DPT: variants seen among roughly 807,000 people sequenced by gnomAD.
DPT encodes dermatopontin, also known as tyrosine-rich acidic matrix protein.
Under a neutral mutation model 31.2 loss-of-function variants are expected in DPT, and 21 were observed. The ratio of observed to expected loss-of-function variants is 0.67; its 90% CI spans 0.48 to 0.97. DPT has a LOEUF of 0.97. Ranked by LOEUF, DPT falls within the 50% of genes least tolerant of loss-of-function variation. The probability of loss-of-function intolerance (pLI) is 0.00; values close to 1 mark genes in which losing one functional copy is unlikely to be tolerated. For missense variants in DPT, 262 were observed against 258.8 expected, an observed-to-expected ratio of 1.01 and a Z score of -0.08; for synonymous variants, 91 against 86.9, an observed-to-expected ratio of 1.05 and a Z score of -0.26.
At chr1:168,727,735 G>T (rs1650282765) in intron 1 of DPT, among the ~76,000 whole-genome samples, 1 of 151,658 alleles carries the variant, frequency 6.6e-6, no homozygotes, top group Non-Finnish European at 1.5e-5. Context: ...ATAGGGTCTG[G>T]CTGTGTTCCC....
intron 1 of DPT, among the ~76,000 whole-genome samples, chr1:168,721,634 C>G (rs1650118693): frequency 6.6e-6 from 1 of 152,184 alleles, no homozygotes; most frequent in Non-Finnish European, 1.5e-5. Context: ...TTCAAAGATC[C>G]TTCCTTTCTT....
chr1:168,702,812 AT>A (rs1343337084), intron 2 of DPT, among the ~76,000 whole-genome samples: 1 of 151,996 alleles, frequency 6.6e-6, no homozygotes, highest in Non-Finnish European at 1.5e-5. Flanking sequence ...GGGTTTCACC[AT>A]GTTGGCCAGG....
At chr1:168,716,415 C>T (rs1381006081) in intron 1 of DPT, among the ~76,000 whole-genome samples, 1 of 151,680 alleles carries the variant, frequency 6.6e-6, no homozygotes, top group South Asian at 2.1e-4. Context: ...CTAGAAAACT[C>T]AGCTATAGGG....
chr1:168,723,920 C>T (rs1650179236), intron 1 of DPT, among the ~76,000 whole-genome samples: 1 of 152,100 alleles, frequency 6.6e-6, no homozygotes, highest in Admixed American at 6.5e-5. Context: ...ACCCAGGTTC[C>T]TCTAATGTTA....
At chr1:168,727,592 C>T (rs758525527) in intron 1 of DPT, among the ~76,000 whole-genome samples, 24 of 148,770 alleles carry the variant, frequency 1.6e-4, no homozygotes, top group Non-Finnish European at 3.1e-4. Context: ...GGAGGGAATA[C>T]AGTGGTGCGA....
chr1:168,714,759 C>T (rs866186370), intron 1 of DPT, among the ~76,000 whole-genome samples: 3 of 152,182 alleles, frequency 2.0e-5, no homozygotes, highest in African/African-American at 2.4e-5. Context: ...AGAAGCACAA[C>T]GTATTGATGA....
chr1:168,715,720 G>A (rs1649967417), intron 1 of DPT, among the ~76,000 whole-genome samples: 1 of 152,220 alleles, frequency 6.6e-6, no homozygotes, highest in Non-Finnish European at 1.5e-5. Context: ...AGCATGCAAA[G>A]CCCAGATGGG....
rs986097934 is a variant in DPT, at chr1:168,695,948, G to A, written c.*601C>T. The A allele has an allele frequency of 1.3e-5, 5 of 378,386 alleles. No homozygotes were observed. The highest frequency in any genetic ancestry group is 6.2e-5 in the African/African-American group (3 of 48,222). 23.4% of individuals were successfully genotyped at this position (378,386 alleles called of 1,614,324 possible). A position where few individuals can be genotyped will look rare whatever the true frequency, so the allele number is the denominator to read the frequency against. ...GGAAATCCTTCCAACCCTGTTTTCA[G>A]CTCTGCCTCCAAACCCTTCCATTTC... On this transcript the variant is annotated 3_prime_UTR_variant, in exon 4 of 4. Coordinates refer to ENST00000367817, the MANE Select transcript of DPT (RefSeq NM_001937.5).
At chr1:168,713,715 C>A (rs1649915463) in intron 2 of DPT, among the ~76,000 whole-genome samples, 1 of 152,102 alleles carries the variant, frequency 6.6e-6, no homozygotes, top group African/African-American at 2.4e-5. Flanking sequence ...GAAAACAGCA[C>A]AATCTTTTTT....
At chr1:168,710,579 A>G (rs913917483) in intron 2 of DPT, among the ~76,000 whole-genome samples, 2 of 152,146 alleles carry the variant, frequency 1.3e-5, no homozygotes, top group African/African-American at 4.8e-5. Context: ...TTTATCTATC[A>G]ATCTTTAACA....
intron 1 of DPT, among the ~76,000 whole-genome samples, chr1:168,719,221 C>A (rs924457050): frequency 3.3e-5 from 5 of 152,148 alleles, no homozygotes; most frequent in Non-Finnish European, 5.9e-5. Context: ...GTGAGCAATC[C>A]CTTTTCTTGC....
intron 2 of DPT, among the ~76,000 whole-genome samples, chr1:168,702,375 C>G (rs1475321101): frequency 6.6e-6 from 1 of 152,180 alleles, no homozygotes; most frequent in African/African-American, 2.4e-5. Context: ...ATGGTTAGCT[C>G]ATTCTCTTGG....
At position 168,696,200 on chromosome 1, in the gene DPT, C is replaced by T; in HGVS notation, c.*349G>A. 2.3e-6 allele frequency: 1 copy of T among 428,388 alleles called. No individual in the cohort carries two copies. The highest frequency in any genetic ancestry group is 3.4e-5 in the East Asian group (1 of 29,354). 26.5% of individuals were successfully genotyped at this position (428,388 alleles called of 1,614,324 possible). A position where few individuals can be genotyped will look rare whatever the true frequency, so the allele number is the denominator to read the frequency against. On this transcript the variant is annotated 3_prime_UTR_variant, in exon 4 of 4. Coordinates refer to ENST00000367817, the MANE Select transcript of DPT (RefSeq NM_001937.5). ...TCTCCCCTCCACTATGCTGAACTTG[C>T]AGTTCATTCTGCAGTAAAAAGCAGT...
intron 2 of DPT, among the ~76,000 whole-genome samples, chr1:168,702,109 C>T (rs1649611617): frequency 1.3e-5 from 2 of 152,158 alleles, no homozygotes; most frequent in African/African-American, 4.8e-5. Context: ...CCAAAACAGT[C>T]CTTTTACCAT....
At chr1:168,720,682 T>A (rs1650089254) in intron 1 of DPT, among the ~76,000 whole-genome samples, 1 of 152,172 alleles carries the variant, frequency 6.6e-6, no homozygotes, top group Non-Finnish European at 1.5e-5. Context: ...AGATGGACTA[T>A]GAGAAGTTTT....
intron 3 of DPT, among the ~76,000 whole-genome samples, chr1:168,698,639 C>A (rs1295138956): frequency 6.6e-6 from 1 of 152,072 alleles, no homozygotes; most frequent in African/African-American, 2.4e-5. Context: ...ATGTCTGCAA[C>A]TTCTTTTGGT....
In DPT at chr1:168,707,989, C is replaced by G. The variant is rs368230925; in HGVS notation, c.431+6232G>C. Among the ~76,000 whole-genome samples, 14 of 152,074 alleles carry G rather than the reference C, an allele frequency of 9.2e-5. No homozygotes were observed. In the East Asian group the frequency reaches 1.4e-3, roughly 15 times the overall value. ...CTGCAGGGGATTGATTCCAGGACCCCCATGGATACCAAAATTTTCAGAAAC... is the reference window on the plus strand; with the variant it reads ...CTGCAGGGGATTGATTCCAGGACCCGCATGGATACCAAAATTTTCAGAAAC... On this transcript the variant is annotated intron_variant, in intron 2 of 3. Coordinates refer to ENST00000367817, the MANE Select transcript of DPT (RefSeq NM_001937.5).
chr1:168,712,998 G>T (rs959238883), intron 2 of DPT, among the ~76,000 whole-genome samples: 8 of 152,240 alleles, frequency 5.3e-5, no homozygotes, highest in African/African-American at 1.9e-4. Context: ...TTATGAGAGG[G>T]AGGGGAGAAG....
At chr1:168,712,283 G>A (rs1020195463) in intron 2 of DPT, among the ~76,000 whole-genome samples, 2 of 152,062 alleles carry the variant, frequency 1.3e-5, no homozygotes, top group African/African-American at 2.4e-5. Flanking sequence ...CCCCTAGGCT[G>A]TCCATGTTCC....
Sources: allele counts gnomAD v4.1 joint callset (sites outside exome capture counted in the v4.1 genomes callset), GRCh38; gene constraint gnomAD v4.1.1; transcripts MANE v1.5; gene names NCBI Gene and HGNC (gene_info 2026-07-23, HGNC 2026-07-21).